Variants in DNAJB8 observed in about 807,000 individuals in gnomAD.
The protein encoded by DNAJB8 is DnaJ heat shock protein family (Hsp40) member B8.
For missense variants in DNAJB8, 354 were observed against 318.9 expected (o/e 1.11, Z -0.84); for synonymous variants, 127 against 127.1 (o/e 1.00, Z 0.00).
At chr3:128,464,563 T>C (rs1341969591) in intron 2 of DNAJB8, among the ~76,000 whole-genome samples, 1 of 152,242 alleles carries the variant, frequency 6.6e-6, no homozygotes, top group Admixed American at 6.5e-5. Context: ...TTTATATTCC[T>C]TTAATTCTTG....
rs1184416758 is a variant in DNAJB8 at position 128,463,291 on chromosome 3, G to A, written c.-46C>T. ...GGAGAGGGAACGTGGAGGCCAGGTG[G>A]GCGCAGGGGCCCAGCTGGTCAGATG... On this transcript the variant is annotated 5_prime_UTR_variant, in exon 3 of 3. Coordinates refer to ENST00000319153, the MANE Select transcript of DNAJB8 (RefSeq NM_153330.6). The A allele has an allele frequency of 1.3e-6, 2 of 1,543,150 alleles. No individual in the cohort carries two copies. Among genetic ancestry groups the A allele is most frequent in the Non-Finnish European group, 1.8e-6 (2 of 1,135,778 alleles).
chr3:128,462,639 C>T lies in DNAJB8; in HGVS notation c.607G>A (p.Gly203Arg), dbSNP rs199505596. ...TCCTCCACCTCCACGCGCTCCTGCC[C>T]GTTCTCCACGATGCGCTTGGTGGTG... is the stretch of plus-strand genomic sequence containing the variant. Reference protein sequence around the residue: ...KVTTKRIVENGQERVEVEEDG... With the variant: ...KVTTKRIVENRQERVEVEEDG... The change falls in exon 3 of 3, where the codon GGG (glycine) becomes AGG (arginine). Residue 203 changes from glycine (G) to arginine (R), a missense_variant. By Grantham distance (125) the Gly-to-Arg change is moderately radical. Transcript: ENST00000319153. 4.4e-5 allele frequency: 71 copies of T among 1,613,820 alleles called. No individual in the cohort carries two copies. Among genetic ancestry groups the T allele is most frequent in the Admixed American group, 2.0e-4 (12 of 59,982 alleles).
Position 128,463,335 on chromosome 3 carries a change from G to A in DNAJB8, c.-90C>T, listed in dbSNP as rs917682335. 46 of 1,210,212 alleles carry A rather than the reference G, an allele frequency of 3.8e-5. No homozygotes were observed. Among genetic ancestry groups the A allele is most frequent in the South Asian group, 1.5e-4 (10 of 68,348 alleles). The allele number at this position is 1,210,212 out of a possible 1,614,324, so 75.0% of individuals were successfully genotyped here. A position where few individuals can be genotyped will look rare whatever the true frequency, so the allele number is the denominator to read the frequency against. On this transcript the variant is annotated 5_prime_UTR_variant, in exon 3 of 3. Transcript: ENST00000319153. The stretch of plus-strand genomic sequence containing the variant: ...TCAGATGGACGGGGGAGAAGTGGCC[G>A]GTGGTCTGGGGCCCTTCAGCAGGGG...
intron 2 of DNAJB8, among the ~76,000 whole-genome samples, chr3:128,464,449 T>G (rs2068496281): frequency 6.6e-6 from 1 of 152,198 alleles, no homozygotes; most frequent in South Asian, 2.1e-4. Flanking sequence ...CCTCCAGAAC[T>G]GGGGGAAGAG....
intron 2 of DNAJB8, among the ~76,000 whole-genome samples, chr3:128,464,698 A>T (rs1223354643): frequency 6.6e-6 from 1 of 152,074 alleles, no homozygotes; most frequent in African/African-American, 2.4e-5. Context: ...AACCACACCA[A>T]TAAAGAGCCT....
chr3:128,462,605 T>C lies in DNAJB8; in HGVS notation c.641A>G (p.Gln214Arg). The C allele has an allele frequency of 6.2e-7, 1 of 1,613,870 alleles. No homozygotes were observed. The highest frequency in any genetic ancestry group is 8.5e-7 in the Non-Finnish European group (1 of 1,179,818). Reference protein sequence around the residue: ...QERVEVEEDGQLKSVTVNGKE... With the variant: ...QERVEVEEDGRLKSVTVNGKE... ...GCCGTTCACAGTCACCGACTTGAGC[T>C]GCCCGTCTTCCTCCACCTCCACGCG... Residue 214 changes from glutamine (Q) to arginine (R), a missense_variant, in exon 3 of 3, where the codon CAG becomes CGG. By Grantham distance (43) the Gln-to-Arg change is conservative. Transcript: ENST00000319153.
intron 2 of DNAJB8, among the ~76,000 whole-genome samples, chr3:128,464,521 A>G (rs1299462371): frequency 2.6e-5 from 4 of 152,244 alleles, no homozygotes; most frequent in Non-Finnish European, 5.9e-5. Flanking sequence ...AAAACGAATC[A>G]GGTGAGTGAG....
At position 128,462,850 on chromosome 3, in the gene DNAJB8, C is replaced by A; in HGVS notation, c.396G>T (p.Gly132=). ...DRGGRGHGLR[G]AFSAGFGEFP... ...ATTCTCCAAAGCCTGCCGAGAAGGC[C>A]CCCCTCAGGCCATGGCCCCGGCCAC... Residue 132 remains glycine (G), a synonymous_variant, in exon 3 of 3, where the codon GGG becomes GGT. Coordinates refer to ENST00000319153, the MANE Select transcript of DNAJB8 (RefSeq NM_153330.6). 1.9e-6 allele frequency: 3 copies of A among 1,614,156 alleles called. No individual in the cohort carries two copies. Among genetic ancestry groups the A allele is most frequent in the East Asian group, 2.2e-5 (1 of 44,888 alleles).
rs757567730 is a variant in DNAJB8, at chr3:128,463,170, G to A, written c.76C>T (p.Leu26=). 5 of 1,614,096 alleles carry A rather than the reference G, an allele frequency of 3.1e-6. No individual in the cohort carries two copies. The East Asian group carries it at 8.9e-5, about 29-fold the overall frequency. The change falls in exon 3 of 3, where the codon CTG becomes TTG. Residue 26 remains leucine, a synonymous_variant. Transcript: ENST00000319153. ...PEDIKKAYRK[L]ALRWHPDKNP... Reference sequence around the variant, plus strand: ...TTGTCGGGGTGCCAACGAAGGGCCAGCTTGCGGTAGGCTTTCTTGATGTCC... The same window carrying A: ...TTGTCGGGGTGCCAACGAAGGGCCAACTTGCGGTAGGCTTTCTTGATGTCC...
chr3:128,462,977 C>T lies in DNAJB8; in HGVS notation c.269G>A (p.Gly90Asp), dbSNP rs1355290058. 6.2e-7 allele frequency: 1 copy of T among 1,614,186 alleles called. No individual in the cohort carries two copies. The highest frequency in any genetic ancestry group is 8.5e-7 in the Non-Finnish European group (1 of 1,180,036). ...STPYHSPFDT[G>D]YTFRNPEDIF... Reference sequence around the variant, plus strand: ...GTCCTCAGGGTTACGGAAGGTGTAGCCGGTGTCGAAGGGGCTGTGGTAGGG... The same window carrying T: ...GTCCTCAGGGTTACGGAAGGTGTAGTCGGTGTCGAAGGGGCTGTGGTAGGG... The change falls in exon 3 of 3, where the codon GGC (glycine) becomes GAC (aspartate). Residue 90 changes from glycine (G) to aspartate (D), a missense_variant. Coordinates refer to ENST00000319153, the MANE Select transcript of DNAJB8 (RefSeq NM_153330.6).
intron 1 of DNAJB8, 101 bp from the exon 2 acceptor site, chr3:128,465,537 C>T (rs74669781): frequency 0.014 from 2,157 of 152,480 alleles, 21 homozygotes; most frequent in Non-Finnish European, 0.022. Flanking sequence ...GGGAGAGGCA[C>T]GGTGGGTGTC....
rs534274395 is a variant in DNAJB8 at position 128,462,870 on chromosome 3, G to A, written c.376C>T (p.Arg126Trp). ...DSPFNSDRGGRGHGLRGAFSA... is the reference protein window; with the variant it reads ...DSPFNSDRGGWGHGLRGAFSA... ...AAGGCCCCCCTCAGGCCATGGCCCC[G>A]GCCACCACGGTCACTATTGAATGGG... The change falls in exon 3 of 3, where the codon CGG (arginine) becomes TGG (tryptophan). Residue 126 changes from arginine to tryptophan, a missense_variant. By Grantham distance (101) the Arg-to-Trp change is moderately radical (BLOSUM62 -3). Transcript: ENST00000319153. 1.4e-5 allele frequency: 23 copies of A among 1,614,156 alleles called. No individual in the cohort carries two copies. Among genetic ancestry groups the A allele is most frequent in the African/African-American group, 4.0e-5 (3 of 75,034 alleles).
Position 128,466,831 on chromosome 3 carries a change from G to C in DNAJB8, c.-1244C>G, listed in dbSNP as rs2068517610. 2 of 152,182 alleles carry C rather than the reference G, an allele frequency of 1.3e-5. No homozygotes were observed. Among genetic ancestry groups the C allele is most frequent in the African/African-American group, 2.4e-5 (1 of 41,440 alleles). The allele number at this position is 152,182 out of a possible 1,614,324, so 9.4% of individuals were successfully genotyped here. ...AGCCACAGGCTGAGGCATGGATGGG[G>C]AGCTTCCTGGAATACCGTGAGCTCC... On this transcript the variant is annotated 5_prime_UTR_variant, in exon 1 of 3. Coordinates refer to ENST00000319153, the MANE Select transcript of DNAJB8 (RefSeq NM_153330.6).
chr3:128,464,314 C>T (rs1396558352), intron 2 of DNAJB8, among the ~76,000 whole-genome samples: 1 of 152,208 alleles, frequency 6.6e-6, no homozygotes, highest in Non-Finnish European at 1.5e-5. Flanking sequence ...GGCCCTAAAT[C>T]CAGTGACACA....
In DNAJB8 at chr3:128,463,003, C is replaced by T. The variant is rs200983717; in HGVS notation, c.243G>A (p.Thr81=). Residue 81 remains threonine, a synonymous_variant, in exon 3 of 3, where the codon ACG becomes ACA. Coordinates refer to ENST00000319153, the MANE Select transcript of DNAJB8 (RefSeq NM_153330.6). The stretch of plus-strand genomic sequence containing the variant: ...CGGTGTCGAAGGGGCTGTGGTAGGG[C>T]GTGCTGGCCCCGCCACCAGCCCGCC... ...DSWRAGGGAS[T]PYHSPFDTGY... is the part of the protein sequence containing the mutation. 38 of 1,613,992 alleles carry T rather than the reference C, an allele frequency of 2.4e-5. No homozygotes were observed. The highest frequency in any genetic ancestry group is 3.3e-5 in the Admixed American group (2 of 60,000).
Position 128,463,444 on chromosome 3 carries a change from G to GC in DNAJB8, c.-200dup. 1.9e-6 allele frequency: 1 copy of GC among 537,072 alleles called. No homozygotes were observed. The highest frequency in any genetic ancestry group is 3.4e-6 in the Non-Finnish European group (1 of 298,482). 33.3% of individuals were successfully genotyped at this position (537,072 alleles called of 1,614,324 possible). Reference sequence around the variant, plus strand: ...GTACCAATTCTCAGGGACTGGAGGGGCCCCCACTGAGAGGAGTGGGGGGAG... The same window carrying GC: ...GTACCAATTCTCAGGGACTGGAGGGGCCCCCCACTGAGAGGAGTGGGGGGAG... On this transcript the variant is annotated 5_prime_UTR_variant, in exon 3 of 3. It removes the in-frame stop codon of an upstream open reading frame in the 5' UTR. Transcript: ENST00000319153.
Position 128,462,909 on chromosome 3 carries a change from C to T in DNAJB8, c.337G>A (p.Glu113Lys). Residue 113 changes from glutamate to lysine, a missense_variant, in exon 3 of 3, where the codon GAG (glutamate) becomes AAG (lysine). Coordinates refer to ENST00000319153, the MANE Select transcript of DNAJB8 (RefSeq NM_153330.6). ...CTATTGAATGGGCTGTCCCAGAACT[C>T]AAAGGAGAAAGGGTCCAGGCCACCA... ...FFGGLDPFSF[E>K]FWDSPFNSDR... 6.2e-7 allele frequency: 1 copy of T among 1,614,144 alleles called. No homozygotes were observed. The highest frequency in any genetic ancestry group is 1.1e-5 in the South Asian group (1 of 91,084).
In DNAJB8 at chr3:128,462,723, C is replaced by A. The variant is rs1023222584; in HGVS notation, c.523G>T (p.Gly175Cys). ...ATCACCGACTTGAACCCCGAGCTGCCAGAACTGGAGCCCCCGAAGGAGGTG... is the reference window on the plus strand; with the variant it reads ...ATCACCGACTTGAACCCCGAGCTGCAAGAACTGGAGCCCCCGAAGGAGGTG... ...SSTSFGGSSSGSSGFKSVMSS... is the reference protein window; with the variant it reads ...SSTSFGGSSSCSSGFKSVMSS... Residue 175 changes from glycine to cysteine, a missense_variant, in exon 3 of 3, where the codon GGC becomes TGC. Physicochemically the swap from Gly to Cys is radical, Grantham distance 159. Transcript: ENST00000319153. The A allele has an allele frequency of 6.2e-7, 1 of 1,614,110 alleles. No individual in the cohort carries two copies. Among genetic ancestry groups the A allele is most frequent in the Non-Finnish European group, 8.5e-7 (1 of 1,180,036 alleles).
intron 1 of DNAJB8, chr3:128,466,061 G>A (rs567078125): frequency 6.6e-6 from 1 of 152,346 alleles, no homozygotes; most frequent in Non-Finnish European, 1.5e-5. Flanking sequence ...GTGGGTCCCA[G>A]GCTGGAGAAT....
Sources: gnomAD v4.1 joint callset for allele counts (sites outside exome capture counted in the v4.1 genomes callset) on GRCh38, gnomAD v4.1.1 for gene constraint, MANE v1.5 for transcripts, NCBI Gene and HGNC (gene_info 2026-07-23, HGNC 2026-07-21) for gene names.